PCDHGA8: variants seen among roughly 807,000 people sequenced by gnomAD.
PCDHGA8 encodes protocadherin gamma-A8.
PCDHGA8 carries 45 observed loss-of-function variants against 59.2 expected under a neutral mutation model. The ratio of observed to expected loss-of-function variants is 0.76; its 90% CI spans 0.60 to 0.98. PCDHGA8 has a LOEUF of 0.98. Among genes scored for constraint, PCDHGA8 ranks in the 50% least tolerant of loss-of-function variants. The pLI is 0.00. For missense variants in PCDHGA8, 1,257 were observed against 1,196.2 expected, an observed-to-expected ratio of 1.05 and a Z score of -0.75; for synonymous variants, 531 against 519.0, an observed-to-expected ratio of 1.02 and a Z score of -0.32.
At chr5:141,427,960 G>C (rs759698390) in intron 1 of PCDHGA8, 7 of 1,589,168 alleles carry the variant, frequency 4.4e-6, no homozygotes, top group South Asian at 1.1e-5. Flanking sequence ...AATGTGCCGC[G>C]GGTGCTGTAC....
chr5:141,461,595 A>C (rs2099018386), intron 1 of PCDHGA8, among the ~76,000 whole-genome samples: 1 of 152,144 alleles, frequency 6.6e-6, no homozygotes, highest in East Asian at 1.9e-4. Flanking sequence ...TATTTCCATT[A>C]TAATTTAGTT....
At position 141,399,943 on chromosome 5, in the gene PCDHGA8, C is replaced by A. The variant is rs1334013330; in HGVS notation, c.2424+4706C>A. On this transcript the variant is annotated intron_variant, in intron 1 of 3. Coordinates refer to ENST00000398604, the MANE Select transcript of PCDHGA8 (RefSeq NM_032088.2). Reference sequence around the variant, plus strand: ...CGCCTGGCTGTCCTACCACGTGCTGCAGGCTAGCGAGCCCGGGCTCTTCAG... The same window carrying A: ...CGCCTGGCTGTCCTACCACGTGCTGAAGGCTAGCGAGCCCGGGCTCTTCAG... The A allele has an allele frequency of 3.7e-6, 6 of 1,612,294 alleles. 1 individual carries two copies. The Admixed American group carries it at 1.0e-4, about 27-fold the overall frequency.
intron 1 of PCDHGA8, chr5:141,428,460 T>G (rs558111052): frequency 2.8e-6 from 1 of 351,434 alleles, no homozygotes; most frequent in African/African-American, 2.1e-5. Context: ...CCAACTACAA[T>G]GAGGGAACTT....
rs142590218 is a variant in PCDHGA8, at chr5:141,489,982, C to T, written c.2425-4825C>T. On this transcript the variant is annotated intron_variant, in intron 1 of 3. Coordinates refer to ENST00000398604, the MANE Select transcript of PCDHGA8 (RefSeq NM_032088.2). This position sits in a 1 kb window ranked among gnomAD's most constrained non-coding sequence, Gnocchi z 4.5. ...TCCAACCTTCCAATCCTCAGTTCTA[C>T]GTGTGGGAATCCCAGAGAATGCACC... The T allele has an allele frequency of 2.9e-5, 47 of 1,614,010 alleles. No individual in the cohort carries two copies. The highest frequency in any genetic ancestry group is 3.7e-5 in the Non-Finnish European group (44 of 1,179,964).
rs1488305057 is a variant in PCDHGA8, at chr5:141,477,736, C to G, written c.2425-17071C>G. 6.2e-7 allele frequency: 1 copy of G among 1,613,790 alleles called. No homozygotes were observed. The highest frequency in any genetic ancestry group is 1.1e-5 in the South Asian group (1 of 91,088). On this transcript the variant is annotated intron_variant, in intron 1 of 3. Coordinates refer to ENST00000398604, the MANE Select transcript of PCDHGA8 (RefSeq NM_032088.2). This position sits in a 1 kb window ranked among gnomAD's most constrained non-coding sequence, Gnocchi z 4.9. ...AATTTGAATTAACAGCTCATATCAG[C>G]GATGGGGGCACCCCGGTCCTAGCCA...
At chr5:141,423,026 G>A in intron 1 of PCDHGA8, 2 of 1,614,210 alleles carry the variant, frequency 1.2e-6, no homozygotes, top group African/African-American at 1.3e-5. Flanking sequence ...AAAGATTCAG[G>A]CCAGAACGCC....
intron 1 of PCDHGA8, chr5:141,427,689 A>C (rs3749765): frequency 0.15 from 132,103 of 873,882 alleles, 11,769 homozygotes; most frequent in African/African-American, 0.33. Flanking sequence ...CGGAGCCTCC[A>C]TCCCACAAGT....
At chr5:141,428,551 G>A (rs1192248816) in intron 1 of PCDHGA8, 1 of 254,070 alleles carries the variant, frequency 3.9e-6, no homozygotes, top group Non-Finnish European at 7.8e-6. Flanking sequence ...ACCAGAAACA[G>A]TCCCCCCACA....
At chr5:141,505,305 C>T (rs1363643214) in intron 2 of PCDHGA8, 88 bp from the exon 3 acceptor site, 2 of 1,595,104 alleles carry the variant, frequency 1.3e-6, no homozygotes, top group Admixed American at 1.7e-5. Flanking sequence ...GGTTAGGGTA[C>T]TAGGTTTGGG....
chr5:141,459,506 A>G (rs1156362858), intron 1 of PCDHGA8, among the ~76,000 whole-genome samples: 1 of 152,236 alleles, frequency 6.6e-6, no homozygotes, highest in East Asian at 1.9e-4. Flanking sequence ...GATGTGAACA[A>G]TCATGTACAA....
At chr5:141,453,871 A>T (rs561367146) in intron 1 of PCDHGA8, among the ~76,000 whole-genome samples, 8 of 152,364 alleles carry the variant, frequency 5.3e-5, no homozygotes, top group African/African-American at 1.9e-4. Flanking sequence ...ACAGATGAGC[A>T]AAATAATGTG....
At chr5:141,419,723 C>G (rs373666366) in intron 1 of PCDHGA8, 1 of 1,613,174 alleles carries the variant, frequency 6.2e-7, no homozygotes, top group African/African-American at 1.3e-5. Context: ...CCTGGGGCTG[C>G]GAACAGGCGA....
chr5:141,490,808 A>C lies in PCDHGA8; in HGVS notation c.2425-3999A>C. On this transcript the variant is annotated intron_variant, in intron 1 of 3. Coordinates refer to ENST00000398604, the MANE Select transcript of PCDHGA8 (RefSeq NM_032088.2). The surrounding 1 kb of genome is among the most constrained non-coding windows in gnomAD (Gnocchi z 5.4). The stretch of plus-strand genomic sequence containing the variant: ...CGGATCTTTGCCCAGCGTACCTTTG[A>C]CTATGAATTGCTGCAGATGCTGCAG... 1 of 1,613,884 alleles carries C rather than the reference A, an allele frequency of 6.2e-7. No homozygotes were observed. The highest frequency in any genetic ancestry group is 8.5e-7 in the Non-Finnish European group (1 of 1,179,874).
chr5:141,414,185 T>C lies in PCDHGA8; in HGVS notation c.2424+18948T>C, dbSNP rs374044785. ...GGAGCATATCTTGCAACTGCAAAAG[T>C]GTTGATTACAGTAGAAGATGTAAAT... On this transcript the variant is annotated intron_variant, in intron 1 of 3. Transcript: ENST00000398604. The C allele has an allele frequency of 1.2e-5, 19 of 1,609,558 alleles. No homozygotes were observed. The highest frequency in any genetic ancestry group is 1.6e-5 in the Non-Finnish European group (19 of 1,177,778).
chr5:141,454,272 A>G (rs1226625529), intron 1 of PCDHGA8, among the ~76,000 whole-genome samples: 1 of 152,200 alleles, frequency 6.6e-6, no homozygotes, highest in Non-Finnish European at 1.5e-5. Context: ...ATGCCAGCAA[A>G]AACTTCACAT....
chr5:141,401,158 A>AT (rs1314149261), intron 1 of PCDHGA8, among the ~76,000 whole-genome samples: 1 of 152,194 alleles, frequency 6.6e-6, no homozygotes, highest in Non-Finnish European at 1.5e-5. Context: ...CCTGGGCAAT[A>AT]TGGTGAAAAC....
intron 1 of PCDHGA8, among the ~76,000 whole-genome samples, chr5:141,482,944 G>A (rs1362136222): frequency 6.6e-6 from 1 of 152,094 alleles, no homozygotes; most frequent in Non-Finnish European, 1.5e-5. Context: ...GTGGTTGTGG[G>A]TGCCTGTAAT....
chr5:141,413,049 A>C (rs2095599926), intron 1 of PCDHGA8: 5 of 904,176 alleles, frequency 5.5e-6, no homozygotes, highest in Non-Finnish European at 8.1e-6. Context: ...GCTGCAGGGA[A>C]GCTCACTCCA....
intron 1 of PCDHGA8, chr5:141,414,961 G>T: frequency 6.2e-7 from 1 of 1,614,028 alleles, no homozygotes; most frequent in South Asian, 1.1e-5. Flanking sequence ...GACCAAGGTG[G>T]TGGCGGTGGA....
Sources: gnomAD v4.1 joint callset for allele counts (sites outside exome capture counted in the v4.1 genomes callset) on GRCh38, gnomAD v4.1.1 for gene constraint, Gnocchi (gnomAD v3.1) non-coding constraint, MANE v1.5 for transcripts, NCBI Gene and HGNC (gene_info 2026-07-23, HGNC 2026-07-21) for gene names.